PARN: variants seen among roughly 807,000 people sequenced by gnomAD.
The protein encoded by PARN is poly(A)-specific ribonuclease PARN.
Under a neutral mutation model 102.8 loss-of-function variants are expected in PARN, and 71 were observed. The observed-to-expected ratio is 0.69, with a 90% confidence interval of 0.57 to 0.84. The LOEUF is 0.84. PARN is among the 40% of genes least tolerant of loss of function. The probability of loss-of-function intolerance (pLI) is 0.00; values close to 1 mark genes in which losing one functional copy is unlikely to be tolerated. For synonymous variants in PARN, 261 were observed against 252.9 expected, an observed-to-expected ratio of 1.03 and a Z score of -0.30; for missense variants, 782 against 760.9, an observed-to-expected ratio of 1.03 and a Z score of -0.33.
chr16:14,595,766 C>T (rs553942033), intron 12 of PARN, among the ~76,000 whole-genome samples: 2 of 152,118 alleles, frequency 1.3e-5, no homozygotes, highest in South Asian at 2.1e-4. Flanking sequence ...CCTGACCTCA[C>T]GTGATCTGCC....
At chr16:14,574,467 C>G (rs897213014) in intron 18 of PARN, among the ~76,000 whole-genome samples, 1 of 152,150 alleles carries the variant, frequency 6.6e-6, no homozygotes, top group African/African-American at 2.4e-5. Context: ...GTAATCCCAG[C>G]ACTTTGGGAA....
intron 6 of PARN, among the ~76,000 whole-genome samples, chr16:14,614,399 G>T (rs1205462643): frequency 6.6e-6 from 1 of 152,218 alleles, no homozygotes; most frequent in Non-Finnish European, 1.5e-5. Flanking sequence ...GCATTTGCTG[G>T]TTATCCTTGA....
chr16:14,582,381 G>T, intron 16 of PARN, 90 bp from the exon 17 acceptor site: 1 of 821,994 alleles, frequency 1.2e-6, no homozygotes, highest in Non-Finnish European at 2.1e-6. Flanking sequence ...ATATGCTAGA[G>T]AAATACCCTA....
chr16:14,627,167 T>C lies in PARN; in HGVS notation c.266A>G (p.Asn89Ser). ...TDSKYITKSF[N>S]FYVFPKPFNR... ...GAAGGGTTTCGGGAAAACATAGAAGTTAAATGACTTCGTTATATACCTGGG... is the reference window on the plus strand; with the variant it reads ...GAAGGGTTTCGGGAAAACATAGAAGCTAAATGACTTCGTTATATACCTGGG... The change falls in exon 5 of 24, where the codon AAC becomes AGC. Residue 89 changes from asparagine (N) to serine (S), a missense_variant. Transcript: ENST00000437198. 1 of 1,604,280 alleles carries C rather than the reference T, an allele frequency of 6.2e-7. No homozygotes were observed.
At chr16:14,582,916 T>A (rs1969619877) in intron 16 of PARN, among the ~76,000 whole-genome samples, 1 of 152,170 alleles carries the variant, frequency 6.6e-6, no homozygotes, top group Non-Finnish European at 1.5e-5. Context: ...AAAACTGTTA[T>A]CTATCAATAC....
chr16:14,570,583 G>A (rs997684692), intron 18 of PARN, among the ~76,000 whole-genome samples: 2 of 150,876 alleles, frequency 1.3e-5, no homozygotes, highest in African/African-American at 4.9e-5. Flanking sequence ...CTGGGAGGCG[G>A]AGGTTGCAGT....
intron 12 of PARN, among the ~76,000 whole-genome samples, chr16:14,598,476 G>A (rs1400178420): frequency 5.3e-5 from 8 of 152,134 alleles, no homozygotes; most frequent in Non-Finnish European, 1.0e-4. Context: ...CCGTATCTCT[G>A]AATTTTAGGG....
At chr16:14,461,888 A>C (rs780333165) in intron 22 of PARN, among the ~76,000 whole-genome samples, 13 of 152,254 alleles carry the variant, frequency 8.5e-5, no homozygotes, top group Non-Finnish European at 1.3e-4. Context: ...AGTGAATAGA[A>C]TAATGAATGT....
At chr16:14,589,592 A>C (rs866996913) in intron 13 of PARN, among the ~76,000 whole-genome samples, 1 of 151,936 alleles carries the variant, frequency 6.6e-6, no homozygotes, top group Non-Finnish European at 1.5e-5. Flanking sequence ...ATGGCCGGGC[A>C]TAATGGCTCA....
intron 21 of PARN, among the ~76,000 whole-genome samples, chr16:14,485,060 A>T (rs1310381690): frequency 1.3e-5 from 2 of 152,238 alleles, no homozygotes; most frequent in African/African-American, 4.8e-5. Context: ...GTCTCTAAAA[A>T]GAAAGTGCTA....
chr16:14,503,034 C>T (rs1050282518), intron 21 of PARN, among the ~76,000 whole-genome samples: 3 of 152,136 alleles, frequency 2.0e-5, no homozygotes, highest in African/African-American at 7.2e-5. Flanking sequence ...TTAAATAAAA[C>T]ATAAGACGGT....
intron 21 of PARN, among the ~76,000 whole-genome samples, chr16:14,535,687 G>T (rs1326239428): frequency 2.0e-5 from 3 of 152,154 alleles, no homozygotes; most frequent in Non-Finnish European, 4.4e-5. Flanking sequence ...GATATTTTGA[G>T]AAAAACAGAG....
At chr16:14,550,827 A>T (rs917509779) in intron 21 of PARN, among the ~76,000 whole-genome samples, 1 of 152,252 alleles carries the variant, frequency 6.6e-6, no homozygotes, top group Non-Finnish European at 1.5e-5. Flanking sequence ...CAGCTTAACA[A>T]TACATATTTT....
intron 21 of PARN, among the ~76,000 whole-genome samples, chr16:14,545,282 T>G (rs923422940): frequency 6.6e-6 from 1 of 152,226 alleles, no homozygotes; most frequent in Non-Finnish European, 1.5e-5. Context: ...ATAGACCTTA[T>G]GCTTGACTAT....
At chr16:14,571,003 A>G (rs1185546920) in intron 18 of PARN, among the ~76,000 whole-genome samples, 1 of 152,042 alleles carries the variant, frequency 6.6e-6, no homozygotes, top group African/African-American at 2.4e-5. Flanking sequence ...GAAAAAGAAA[A>G]GAATTAAAGT....
chr16:14,580,662 GTTTTC>G (rs1400636742), intron 18 of PARN, among the ~76,000 whole-genome samples: 5 of 151,028 alleles, frequency 3.3e-5, no homozygotes, highest in Admixed American at 2.6e-4. Flanking sequence ...GTCTAGCAAT[GTTTTC>G]TTTTTTTTTT....
Position 14,629,677 on chromosome 16 carries a change from G to C in PARN, c.20-3C>G. The C allele has an allele frequency of 6.2e-7, 1 of 1,609,794 alleles. No individual in the cohort carries two copies. Among genetic ancestry groups the C allele is most frequent in the Non-Finnish European group, 8.5e-7 (1 of 1,175,998 alleles). Reference sequence around the variant, plus strand: ...TTTGTGAAGATTACTCTTAAAATCTGCGGAGAAACCGAAAAGAGGCTCAGA... The same window carrying C: ...TTTGTGAAGATTACTCTTAAAATCTCCGGAGAAACCGAAAAGAGGCTCAGA... On this transcript the variant is annotated splice_polypyrimidine_tract_variant and splice_region_variant and intron_variant, in intron 1 of 23. Transcript: ENST00000437198.
At chr16:14,486,149 G>T (rs938266283) in intron 21 of PARN, among the ~76,000 whole-genome samples, 1 of 151,870 alleles carries the variant, frequency 6.6e-6, no homozygotes, top group East Asian at 2.0e-4. Flanking sequence ...GAGCCCAGGG[G>T]TTCGAGACCA....
chr16:14,622,696 C>T (rs1179046014), intron 5 of PARN, among the ~76,000 whole-genome samples: 4 of 152,246 alleles, frequency 2.6e-5, no homozygotes, highest in East Asian at 1.9e-4. Context: ...TTAGTAGAGA[C>T]GGGGTTTCAC....
Sources: gnomAD v4.1 joint callset for allele counts (sites outside exome capture counted in the v4.1 genomes callset) on GRCh38, gnomAD v4.1.1 for gene constraint, MANE v1.5 for transcripts, NCBI Gene and HGNC (gene_info 2026-07-23, HGNC 2026-07-21) for gene names.